The following CAST variants were observed in gnomAD, a reference collection of about 807,000 sequenced individuals.
CAST encodes the protein calpastatin.
Under a neutral mutation model 119.6 loss-of-function variants are expected in CAST, and 76 were observed. The observed-to-expected ratio is 0.64, with a 90% CI of 0.53 to 0.77. CAST has a LOEUF of 0.77. Among genes scored for constraint, CAST ranks in the 30% least tolerant of loss-of-function variants. The pLI, the probability that CAST is intolerant of heterozygous loss-of-function variation, is 0.00. For missense variants in CAST, 953 were observed against 946.5 expected, an observed-to-expected ratio of 1.01 and a Z score of -0.09; for synonymous variants, 319 against 331.6, an observed-to-expected ratio of 0.96 and a Z score of 0.41.
chr5:96,595,586 G>A (rs1048311560), intron 1 of CAST, among the ~76,000 whole-genome samples: 1 of 152,146 alleles, frequency 6.6e-6, no homozygotes, highest in African/African-American at 2.4e-5. Flanking sequence ...GGGTGGGATG[G>A]GGAGCAAAGA....
the CAST span, among the ~76,000 whole-genome samples, chr5:96,341,794 C>T: frequency 6.6e-6 from 1 of 152,100 alleles, no homozygotes; most frequent in Non-Finnish European, 1.5e-5. Context: ...GAGCCTAAAT[C>T]TTTTTCTCCT....
the CAST span, chr5:96,412,229 T>A: frequency 9.0e-7 from 1 of 1,111,240 alleles, no homozygotes; most frequent in East Asian, 2.3e-5. Context: ...CACAACAATG[T>A]TATTCCATGT....
At chr5:96,103,524 A>G in the CAST span, among the ~76,000 whole-genome samples, 1 of 151,378 alleles carries the variant, frequency 6.6e-6, no homozygotes, top group Non-Finnish European at 1.5e-5. Context: ...TACAAAGGAC[A>G]TGAACTCATC....
chr5:96,452,640 T>TAA, the CAST span, among the ~76,000 whole-genome samples: 14,132 of 89,452 alleles, frequency 0.16, 2,604 homozygotes, highest in Non-Finnish European at 0.22. Context: ...TAAAGTATAA[T>TAA]AAAAAAAAAA....
At chr5:96,257,181 G>T in the CAST span, among the ~76,000 whole-genome samples, 2 of 152,114 alleles carry the variant, frequency 1.3e-5, no homozygotes, top group African/African-American at 2.4e-5. Flanking sequence ...GAGAGTTCTG[G>T]GGGCAAGAGC....
chr5:96,452,976 A>AAAAAAAAAAAAAAAG, the CAST span, among the ~76,000 whole-genome samples: 32 of 142,418 alleles, frequency 2.2e-4, 1 homozygote, highest in African/African-American at 9.1e-4. Context: ...AAAAAAAAAA[A>AAAAAAAAAAAAAAAG]CAGAAGAAAG....
the CAST span, among the ~76,000 whole-genome samples, chr5:95,964,032 T>C: frequency 6.6e-6 from 1 of 152,154 alleles, no homozygotes; most frequent in Admixed American, 6.5e-5. Context: ...AATAGGAAAA[T>C]TTTTCTCATG....
chr5:96,079,833 T>A, the CAST span, among the ~76,000 whole-genome samples: 1,451 of 152,340 alleles, frequency 9.5e-3, 30 homozygotes, highest in African/African-American at 0.032. Context: ...AATAGCTTTA[T>A]CCTATTCTTT....
chr5:96,166,253 C>A, the CAST span, among the ~76,000 whole-genome samples: 32 of 152,194 alleles, frequency 2.1e-4, no homozygotes, highest in Middle Eastern at 3.4e-3. Context: ...TAGGTAGTAC[C>A]TTTATTTTAA....
the CAST span, chr5:96,412,921 C>G: frequency 1.2e-6 from 1 of 868,144 alleles, no homozygotes; most frequent in Non-Finnish European, 1.4e-6. Context: ...AATGACAGAC[C>G]AGCTTTCAGA....
the CAST span, among the ~76,000 whole-genome samples, chr5:96,335,722 G>A: frequency 1.3e-5 from 2 of 152,000 alleles, no homozygotes; most frequent in Non-Finnish European, 2.9e-5. Flanking sequence ...CAGACATTTC[G>A]GATTCAATTG....
chr5:96,767,585 G>T, intron 28 of CAST, 103 bp downstream of exon 28: 1 of 802,364 alleles, frequency 1.2e-6, no homozygotes, highest in East Asian at 2.6e-5. Flanking sequence ...CCTACTCTGT[G>T]CCTGGTACTT....
chr5:96,051,304 T>C, the CAST span, among the ~76,000 whole-genome samples: 1 of 152,090 alleles, frequency 6.6e-6, no homozygotes, highest in Non-Finnish European at 1.5e-5. Flanking sequence ...ACAATATATG[T>C]GGGAGTTGAT....
intron 1 of CAST, among the ~76,000 whole-genome samples, chr5:96,585,275 C>T (rs1683181187): frequency 6.6e-6 from 1 of 152,110 alleles, no homozygotes; most frequent in Non-Finnish European, 1.5e-5. Context: ...AGACTAAACC[C>T]GTATCATGTC....
the CAST span, among the ~76,000 whole-genome samples, chr5:95,978,823 C>A: frequency 6.6e-6 from 1 of 152,214 alleles, no homozygotes; most frequent in Non-Finnish European, 1.5e-5. Flanking sequence ...GTACACTTAA[C>A]AAAATCAGGA....
chr5:96,394,130 A>G, the CAST span, among the ~76,000 whole-genome samples: 1 of 152,176 alleles, frequency 6.6e-6, no homozygotes, highest in Non-Finnish European at 1.5e-5. Flanking sequence ...CTTCCAAAAC[A>G]CCCAGCTCAG....
intron 2 of CAST, among the ~76,000 whole-genome samples, chr5:96,680,162 G>T (rs964494812): frequency 6.6e-6 from 1 of 151,052 alleles, no homozygotes; most frequent in South Asian, 2.1e-4. Context: ...CAGCCTGGCC[G>T]ATATGGTGAA....
chr5:96,321,336 G>A, the CAST span, among the ~76,000 whole-genome samples: 16 of 152,192 alleles, frequency 1.1e-4, no homozygotes, highest in African/African-American at 3.9e-4. Context: ...ACATTGACTG[G>A]TGTCTCCTGC....
At chr5:96,228,001 C>CTGTG in the CAST span, among the ~76,000 whole-genome samples, 10 of 136,712 alleles carry the variant, frequency 7.3e-5, no homozygotes, top group African/African-American at 2.4e-4. Flanking sequence ...CTCTTTCTCT[C>CTGTG]TCTGTGTGTG....
Sources: gnomAD v4.1 joint callset for allele counts (sites outside exome capture counted in the v4.1 genomes callset) on GRCh38, gnomAD v4.1.1 for gene constraint, MANE v1.5 for transcripts, NCBI Gene and HGNC (gene_info 2026-07-23, HGNC 2026-07-21) for gene names.